The following BCL7C variants were observed in gnomAD, a reference collection of about 807,000 sequenced individuals.
BCL7C encodes B-cell CLL/lymphoma 7 protein family member C.
BCL7C carries 8 observed loss-of-function variants against 26.2 expected under a neutral mutation model. That is an observed-to-expected ratio of 0.30 (90% CI 0.18 to 0.55). The LOEUF (loss-of-function observed/expected upper bound fraction) is 0.55. Ranked by LOEUF, BCL7C falls within the 20% of genes least tolerant of loss-of-function variation. The pLI is 0.93. For missense variants in BCL7C, 262 were observed against 298.5 expected (o/e 0.88, Z 0.90); for synonymous variants, 90 against 116.5 (o/e 0.77, Z 1.47).
chr16:30,862,560 G>C (rs12929065), intron 5 of BCL7C, among the ~76,000 whole-genome samples: 111,453 of 151,350 alleles, frequency 0.74, 41,455 homozygotes, highest in East Asian at 0.91. Context: ...AACAGGACAC[G>C]CTCCTGCTCC....
chr16:30,865,384 G>A (rs572478149), intron 5 of BCL7C, among the ~76,000 whole-genome samples: 5 of 151,754 alleles, frequency 3.3e-5, no homozygotes, highest in South Asian at 4.2e-4. Flanking sequence ...ATCTTCACCC[G>A]GAAGCGTGTG....
chr16:30,889,820 G>A (rs1440126733), intron 4 of BCL7C, among the ~76,000 whole-genome samples: 2 of 151,388 alleles, frequency 1.3e-5, no homozygotes, highest in Admixed American at 1.3e-4. Context: ...CATGCCTGTA[G>A]TCCCAGCTAC....
intron 5 of BCL7C, among the ~76,000 whole-genome samples, chr16:30,855,432 G>A (rs552930824): frequency 6.6e-6 from 1 of 151,712 alleles, no homozygotes; most frequent in African/African-American, 2.4e-5. Context: ...TCATAGAGAT[G>A]GGGTTTCACC....
intron 5 of BCL7C, among the ~76,000 whole-genome samples, chr16:30,865,415 A>T (rs1005404060): frequency 2.6e-5 from 4 of 151,692 alleles, no homozygotes; most frequent in African/African-American, 9.7e-5. Flanking sequence ...CCAAAAAAAA[A>T]ATTTTTTTGA....
intron 5 of BCL7C, among the ~76,000 whole-genome samples, chr16:30,845,541 C>A (rs2054628841): frequency 6.6e-6 from 1 of 152,178 alleles, no homozygotes; most frequent in African/African-American, 2.4e-5. Context: ...CCCCAGAGGG[C>A]AGATTTCTAG....
chr16:30,837,082 C>A (rs940001693), intron 5 of BCL7C, among the ~76,000 whole-genome samples: 2 of 151,964 alleles, frequency 1.3e-5, no homozygotes, highest in African/African-American at 4.8e-5. Context: ...GCATGAGCCA[C>A]CGCGCCCGGC....
intron 4 of BCL7C, among the ~76,000 whole-genome samples, chr16:30,891,099 G>A (rs2055221121): frequency 6.6e-6 from 1 of 150,434 alleles, no homozygotes; most frequent in African/African-American, 2.5e-5. Flanking sequence ...AACCTGGGAG[G>A]CAGAGTTTGC....
intron 5 of BCL7C, chr16:30,875,084 G>C (rs1471488818): frequency 1.3e-5 from 2 of 153,104 alleles, no homozygotes; most frequent in Non-Finnish European, 2.9e-5. Flanking sequence ...GGGTTCCATG[G>C]CGCAAGGGAG....
In BCL7C at chr16:30,877,810, A is replaced by G. The variant is rs145656769; in HGVS notation, c.528+11050T>C. Among the ~76,000 whole-genome samples, 412 of 152,320 alleles carry G rather than the reference A, an allele frequency of 2.7e-3. 2 individuals are homozygous for G. Among genetic ancestry groups the G allele is most frequent in the African/African-American group, 9.3e-3 (388 of 41,578 alleles). ...ATGTTCAACACCATGTAAGCCAAACAAATCACATTCACAGGCTCACAGCTC... is the reference window on the plus strand; with the variant it reads ...ATGTTCAACACCATGTAAGCCAAACGAATCACATTCACAGGCTCACAGCTC... On this transcript the variant is annotated intron_variant, in intron 5 of 5. Coordinates refer to the BCL7C transcript ENST00000380317.
At chr16:30,845,424 G>T (rs115376382) in intron 5 of BCL7C, among the ~76,000 whole-genome samples, 2,504 of 152,326 alleles carry the variant, frequency 0.016, 60 homozygotes, top group African/African-American at 0.053. Context: ...TACAGTGCTT[G>T]ATCCTTGCAC....
At chr16:30,842,365 G>C (rs901932498) in intron 5 of BCL7C, among the ~76,000 whole-genome samples, 5 of 152,156 alleles carry the variant, frequency 3.3e-5, no homozygotes, top group Non-Finnish European at 4.4e-5. Context: ...GTGGTACCTT[G>C]TTATGGTATA....
Position 30,893,790 on chromosome 16 carries a change from G to A in BCL7C, c.92+63C>T. 2.7e-6 allele frequency: 4 copies of A among 1,477,590 alleles called. No homozygotes were observed. The East Asian group carries it at 9.2e-5, about 34-fold the overall frequency. 91.5% of individuals were successfully genotyped at this position (1,477,590 alleles called of 1,614,324 possible). A position where few individuals can be genotyped will look rare whatever the true frequency, so the allele number is the denominator to read the frequency against. ...GGGGCCCAGAGCTGGCGAGGGCAGC[G>A]TAGACGCCTTTGGTGCTGGTGGTCC... On this transcript the variant is annotated intron_variant, in intron 1 of 5. Transcript: ENST00000215115. The surrounding 1 kb of genome is among the most constrained non-coding windows in gnomAD (Gnocchi z 5.2).
chr16:30,855,446 T>C (rs1203362352), intron 5 of BCL7C, among the ~76,000 whole-genome samples: 1 of 151,996 alleles, frequency 6.6e-6, no homozygotes, highest in Middle Eastern at 3.2e-3. Context: ...TTTCACCACA[T>C]TGGCCAGGCT....
At chr16:30,845,699 C>A (rs143382400) in intron 5 of BCL7C, among the ~76,000 whole-genome samples, 12 of 152,078 alleles carry the variant, frequency 7.9e-5, no homozygotes, top group Non-Finnish European at 1.5e-4. Context: ...TCTGCCACCT[C>A]TGTATTTCTG....
downstream of BCL7C, among the ~76,000 whole-genome samples, chr16:30,883,424 T>TA (rs2055072165): frequency 6.6e-6 from 1 of 151,734 alleles, no homozygotes; most frequent in African/African-American, 2.4e-5. Flanking sequence ...AGTCATATCT[T>TA]ACTGCCGCCT....
downstream of BCL7C, among the ~76,000 whole-genome samples, chr16:30,884,966 C>T (rs1390701840): frequency 1.3e-5 from 2 of 152,178 alleles, no homozygotes; most frequent in African/African-American, 4.8e-5. Context: ...ATTTACAGAA[C>T]ACTCTCCTCC....
downstream of BCL7C, among the ~76,000 whole-genome samples, chr16:30,883,670 C>G (rs2055078966): frequency 6.8e-6 from 1 of 147,026 alleles, no homozygotes; most frequent in Non-Finnish European, 1.5e-5. Flanking sequence ...GCATGCACCA[C>G]CATGGCTGGC....
exon 6 of BCL7C, chr16:30,835,132 A>T (rs929329272): frequency 1.3e-6 from 2 of 1,520,018 alleles, no homozygotes; most frequent in African/African-American, 1.4e-5. Context: ...TCTCCTCGTC[A>T]TTCTCACTCC....
intron 5 of BCL7C, among the ~76,000 whole-genome samples, chr16:30,863,233 T>G (rs1366206581): frequency 6.6e-6 from 1 of 152,212 alleles, no homozygotes; most frequent in Non-Finnish European, 1.5e-5. Context: ...AAAGGTAGGC[T>G]ATGCTACAGT....
Sources: allele counts gnomAD v4.1 joint callset (sites outside exome capture counted in the v4.1 genomes callset), GRCh38; gene constraint gnomAD v4.1.1; non-coding constraint Gnocchi (gnomAD v3.1); transcripts MANE v1.5; gene names NCBI Gene and HGNC (gene_info 2026-07-23, HGNC 2026-07-21).